RABGAP1: variants seen among roughly 807,000 people sequenced by gnomAD.
The protein encoded by RABGAP1 is RAB GTPase activating protein 1, also known as rab GTPase-activating protein 1.
RABGAP1 carries 23 observed loss-of-function variants against 137.6 expected under a neutral mutation model. The observed-to-expected ratio is 0.17, with a 90% CI of 0.12 to 0.24. The LOEUF (loss-of-function observed/expected upper bound fraction) is 0.24. RABGAP1 is among the 10% of genes least tolerant of loss of function. RABGAP1 has a pLI of 1.00. For missense variants in RABGAP1, 906 were observed against 1,275.8 expected, an observed-to-expected ratio of 0.71 and a Z score of 4.42; for synonymous variants, 451 against 450.7, an observed-to-expected ratio of 1.00 and a Z score of -0.01.
At chr9:123,073,924 T>C (rs1334772092) in intron 16 of RABGAP1, among the ~76,000 whole-genome samples, 1 of 152,182 alleles carries the variant, frequency 6.6e-6, no homozygotes. Context: ...AGGGGTCTTT[T>C]CCACAGCTAA....
intron 2 of RABGAP1, among the ~76,000 whole-genome samples, chr9:122,970,713 CACCCCAAA>C (rs1385060790): frequency 1.3e-5 from 2 of 152,102 alleles, no homozygotes; most frequent in Non-Finnish European, 2.9e-5. Flanking sequence ...GTCACTATTC[CACCCCAAA>C]ACTCCAAAAG....
At chr9:123,035,827 C>G (rs1476719127) in intron 13 of RABGAP1, 1 of 482,790 alleles carries the variant, frequency 2.1e-6, no homozygotes, top group Non-Finnish European at 3.6e-6. Flanking sequence ...TTAGAAGACT[C>G]AAGATCATGA....
At position 122,990,020 on chromosome 9, in the gene RABGAP1, T is replaced by G. The variant is rs769448376; in HGVS notation, c.766-36T>G. On this transcript the variant is annotated intron_variant, in intron 5 of 25. Transcript: ENST00000373647. ...CTTAATAAAGGTATTTTATATCTTT[T>G]GATAACAGCCCATTTCCTAACATGT... 3.9e-6 allele frequency: 6 copies of G among 1,526,684 alleles called. No homozygotes were observed. In the Admixed American group the frequency reaches 7.6e-5, roughly 19 times the overall value. 94.6% of individuals were successfully genotyped at this position (1,526,684 alleles called of 1,614,324 possible).
chr9:123,060,258 T>C (rs7849410), intron 13 of RABGAP1, among the ~76,000 whole-genome samples: 33,701 of 152,148 alleles, frequency 0.22, 5,213 homozygotes, highest in East Asian at 0.65. Flanking sequence ...ATTTCTGTCA[T>C]CTCAGAAAGT....
chr9:122,945,147 C>CTTTTTTTTGTTTTTTTTT (rs1833874522), intron 1 of RABGAP1, among the ~76,000 whole-genome samples: 1 of 75,772 alleles, frequency 1.3e-5, no homozygotes, highest in East Asian at 2.7e-4. Flanking sequence ...ATAGCTGTTG[C>CTTTTTTTTGTTTTTTTTT]TTTTTTTTTT....
intron 2 of RABGAP1, among the ~76,000 whole-genome samples, chr9:122,972,325 A>G (rs1395814098): frequency 6.6e-6 from 1 of 152,186 alleles, no homozygotes; most frequent in Non-Finnish European, 1.5e-5. Flanking sequence ...TACTCAGTGG[A>G]TTAAAACTAT....
At chr9:123,080,572 T>G (rs894092229) in intron 19 of RABGAP1, among the ~76,000 whole-genome samples, 1 of 152,154 alleles carries the variant, frequency 6.6e-6, no homozygotes, top group African/African-American at 2.4e-5. Context: ...AAGTGATAAT[T>G]CAGTGGTAAC....
chr9:123,021,993 A>G (rs1564139585), intron 13 of RABGAP1, among the ~76,000 whole-genome samples: 1 of 152,250 alleles, frequency 6.6e-6, no homozygotes, highest in African/African-American at 2.4e-5. Context: ...AGATGGGTAC[A>G]GCATTGTACT....
In RABGAP1 at chr9:123,073,671, C is replaced by T; in HGVS notation, c.2103C>T (p.Leu701=). 1.2e-6 allele frequency: 2 copies of T among 1,613,748 alleles called. No individual in the cohort carries two copies. The highest frequency in any genetic ancestry group is 1.7e-6 in the Non-Finnish European group (2 of 1,179,782). Residue 701 remains leucine, a synonymous_variant, in exon 16 of 26, where the codon CTC becomes CTT. Coordinates refer to ENST00000373647, the MANE Select transcript of RABGAP1 (RefSeq NM_012197.4). ...LHCKFYQLER[L]MQEYIPDLYN... is the part of the protein sequence containing the mutation. Reference sequence around the variant, plus strand: ...GCAAATTTTACCAGTTGGAGCGCCTCATGCAGGTAAAAAGAGAAACCAGCT... The same window carrying T: ...GCAAATTTTACCAGTTGGAGCGCCTTATGCAGGTAAAAAGAGAAACCAGCT...
intron 13 of RABGAP1, 63 bp from the exon 14 acceptor site, chr9:123,065,285 A>G: frequency 8.2e-7 from 1 of 1,222,350 alleles, no homozygotes; most frequent in Non-Finnish European, 1.2e-6. Context: ...ACCTTGCCTA[A>G]ACCTGAATAA....
chr9:122,999,488 G>C (rs560171307), intron 10 of RABGAP1, among the ~76,000 whole-genome samples: 1 of 152,094 alleles, frequency 6.6e-6, no homozygotes, highest in African/African-American at 2.4e-5. Context: ...ACCTTGCCCA[G>C]CCAGCCCTTC....
intron 7 of RABGAP1, 120 bp downstream of exon 7, chr9:122,996,271 T>C: frequency 1.4e-6 from 2 of 1,423,280 alleles, no homozygotes; most frequent in South Asian, 1.6e-5. Flanking sequence ...TAGGAAATTA[T>C]TTTGTTTACT....
chr9:123,050,656 T>G, intron 13 of RABGAP1, among the ~76,000 whole-genome samples: 1 of 152,256 alleles, frequency 6.6e-6, no homozygotes, highest in East Asian at 1.9e-4. Flanking sequence ...TAATTCTTAC[T>G]GATTTGACTA....
intron 2 of RABGAP1, among the ~76,000 whole-genome samples, chr9:122,971,094 G>A (rs976262961): frequency 2.6e-5 from 4 of 152,166 alleles, no homozygotes; most frequent in African/African-American, 7.2e-5. Flanking sequence ...AGGTGTTGGA[G>A]CTGAGATCTC....
At chr9:123,100,306 C>T (rs1033147204) in intron 24 of RABGAP1, among the ~76,000 whole-genome samples, 5 of 151,952 alleles carry the variant, frequency 3.3e-5, no homozygotes, top group African/African-American at 1.2e-4. Flanking sequence ...GTTCTGTGCT[C>T]ATGGCTATGT....
intron 13 of RABGAP1, chr9:123,029,794 T>C (rs533591756): frequency 1.6e-5 from 8 of 502,080 alleles, no homozygotes; most frequent in Non-Finnish European, 3.0e-5. Context: ...GCAGCCTTGC[T>C]AAGATGTCAG....
Position 123,097,726 on chromosome 9 carries a change from T to C in RABGAP1, c.2629-15T>C, listed in dbSNP as rs2035224791. On this transcript the variant is annotated splice_polypyrimidine_tract_variant and intron_variant, in intron 21 of 25. Coordinates refer to ENST00000373647, the MANE Select transcript of RABGAP1 (RefSeq NM_012197.4). ...CCAATTCTTGTTTTGTGACAGCATA[T>C]CTTAAATGTTTCAGGCTGAGGAAAA... 1.3e-6 allele frequency: 2 copies of C among 1,596,266 alleles called. No homozygotes were observed. Among genetic ancestry groups the C allele is most frequent in the East Asian group, 4.5e-5 (2 of 44,744 alleles).
chr9:123,081,390 C>T (rs1276865071), intron 19 of RABGAP1, among the ~76,000 whole-genome samples: 1 of 152,068 alleles, frequency 6.6e-6, no homozygotes. Flanking sequence ...AAATATTTTG[C>T]CTCACATGCC....
At chr9:123,044,173 G>A (rs569097006) in intron 13 of RABGAP1, among the ~76,000 whole-genome samples, 6 of 152,238 alleles carry the variant, frequency 3.9e-5, no homozygotes, top group African/African-American at 9.6e-5. Context: ...AAAGTGGTAG[G>A]ATTACAGGCG....
Sources: allele counts gnomAD v4.1 joint callset (sites outside exome capture counted in the v4.1 genomes callset), GRCh38; gene constraint gnomAD v4.1.1; transcripts MANE v1.5; gene names NCBI Gene and HGNC (gene_info 2026-07-23, HGNC 2026-07-21).